CELF2: variants seen among roughly 807,000 people sequenced by gnomAD.
CELF2 encodes the protein CUGBP Elav-like family member 2.
A neutral mutation model predicts 62.6 loss-of-function variants in CELF2; 8 were observed. That is an observed-to-expected ratio of 0.13 (90% CI 0.07 to 0.23). The LOEUF is 0.23. Among genes scored for constraint, CELF2 ranks in the 10% least tolerant of loss-of-function variants. The probability of loss-of-function intolerance (pLI) is 1.00; values close to 1 mark genes in which losing one functional copy is unlikely to be tolerated. For missense variants in CELF2, 333 were observed against 671.0 expected, an observed-to-expected ratio of 0.50 and a Z score of 5.56; for synonymous variants, 258 against 250.0, an observed-to-expected ratio of 1.03 and a Z score of -0.30.
At chr10:11,034,419 T>C (rs2060628717) in intron 1 of CELF2, among the ~76,000 whole-genome samples, 1 of 152,208 alleles carries the variant, frequency 6.6e-6, no homozygotes, top group Non-Finnish European at 1.5e-5. Flanking sequence ...CATGTGTTCC[T>C]TATTACTAAG....
chr10:10,633,758 C>T, the CELF2 span, among the ~76,000 whole-genome samples: 3 of 151,982 alleles, frequency 2.0e-5, no homozygotes, highest in African/African-American at 7.2e-5. Flanking sequence ...TTTGACCCTT[C>T]TACCGTTTAT....
chr10:10,826,270 A>C (rs1157920949), intron 1 of CELF2, among the ~76,000 whole-genome samples: 2 of 152,104 alleles, frequency 1.3e-5, no homozygotes, highest in Non-Finnish European at 2.9e-5. Context: ...GAAATCAAGG[A>C]TCATGGAGGC....
chr10:10,990,612 C>T lies in CELF2; in HGVS notation c.89+70613C>T, dbSNP rs2053319708. ...TAGTAGTATAATAGTATAATATACG[C>T]TCAGTGGCAATTCAGTGTATTTCAT... On this transcript the variant is annotated intron_variant, in intron 2 of 13. Transcript: ENST00000636488. The surrounding 1 kb of genome is among the most constrained non-coding windows in gnomAD (Gnocchi z 4.6). Among the ~76,000 whole-genome samples the T allele has an allele frequency of 1.3e-5, 2 of 152,062 alleles. No homozygotes were observed. Among genetic ancestry groups the T allele is most frequent in the Non-Finnish European group, 2.9e-5 (2 of 67,992 alleles).
upstream of CELF2, among the ~76,000 whole-genome samples, chr10:11,016,335 T>C (rs1432512226): frequency 1.3e-5 from 2 of 152,134 alleles, no homozygotes; most frequent in African/African-American, 4.8e-5. This position sits in a 1 kb window ranked among gnomAD's most constrained non-coding sequence, Gnocchi z 5.2. Flanking sequence ...GTTCCTCCAG[T>C]AAGGTAGTAT....
At chr10:11,059,063 G>A (rs567784325) in intron 1 of CELF2, among the ~76,000 whole-genome samples, 3 of 152,326 alleles carry the variant, frequency 2.0e-5, no homozygotes, top group South Asian at 2.1e-4. Flanking sequence ...GGTTGCAGCC[G>A]TGAGCCATTG....
At chr10:11,016,537 T>C (rs771432559), upstream of CELF2, among the ~76,000 whole-genome samples, 23 of 152,234 alleles carry the variant, frequency 1.5e-4, no homozygotes, top group Non-Finnish European at 3.1e-4. The surrounding 1 kb of genome is among the most constrained non-coding windows in gnomAD (Gnocchi z 5.2). Context: ...TATGTAAGTG[T>C]CCATTTGCCT....
chr10:11,014,393 G>A (rs2056933425), upstream of CELF2, among the ~76,000 whole-genome samples: 1 of 152,216 alleles, frequency 6.6e-6, no homozygotes, highest in African/African-American at 2.4e-5. Flanking sequence ...AAGGTTGTCT[G>A]CACGAGCAGA....
chr10:10,771,873 A>G, the CELF2 span, among the ~76,000 whole-genome samples: 1 of 152,232 alleles, frequency 6.6e-6, no homozygotes, highest in Non-Finnish European at 1.5e-5. Flanking sequence ...TATCCTTTCC[A>G]GCTATCAGAG....
At chr10:10,587,578 TTAAC>T in the CELF2 span, among the ~76,000 whole-genome samples, 1 of 152,204 alleles carries the variant, frequency 6.6e-6, no homozygotes, top group Non-Finnish European at 1.5e-5. Context: ...ATAAACATCT[TTAAC>T]ATAACAATAA....
At chr10:11,063,728 T>C (rs1217306674) in intron 1 of CELF2, among the ~76,000 whole-genome samples, 1 of 152,172 alleles carries the variant, frequency 6.6e-6, no homozygotes, top group Non-Finnish European at 1.5e-5. Context: ...AATGTTTGGG[T>C]TTAAGAACTC....
chr10:10,565,247 C>T, the CELF2 span, among the ~76,000 whole-genome samples: 1 of 152,302 alleles, frequency 6.6e-6, no homozygotes, highest in South Asian at 2.1e-4. Flanking sequence ...CCCTTGCAGC[C>T]TTTTCTCCTT....
chr10:10,726,388 A>G, the CELF2 span, among the ~76,000 whole-genome samples: 1 of 152,122 alleles, frequency 6.6e-6, no homozygotes, highest in East Asian at 1.9e-4. Context: ...TTCTGCTGAC[A>G]TGTTTTGTCT....
chr10:10,516,909 T>G, the CELF2 span, among the ~76,000 whole-genome samples: 2 of 152,090 alleles, frequency 1.3e-5, no homozygotes, highest in Admixed American at 1.3e-4. Flanking sequence ...CAAACCAGCC[T>G]GGCCTTAGAG....
Position 11,285,816 on chromosome 10 carries a change from T to A in CELF2, c.842-2602T>A, listed in dbSNP as rs2091029794. Among the ~76,000 whole-genome samples, 1 of 149,566 alleles carries A rather than the reference T, an allele frequency of 6.7e-6. No individual in the cohort carries two copies. The highest frequency in any genetic ancestry group is 1.5e-5 in the Non-Finnish European group (1 of 67,584). On this transcript the variant is annotated intron_variant, in intron 8 of 12. Coordinates refer to ENST00000633077, the MANE Select transcript of CELF2 (RefSeq NM_001326342.2). This position sits in a 1 kb window ranked among gnomAD's most constrained non-coding sequence, Gnocchi z 4.3. ...TTACATAGATTTGCTCATCACCTAC[T>A]ATATATATTGGTGTGTGTGTGTGTG...
the CELF2 span, among the ~76,000 whole-genome samples, chr10:10,578,112 G>T: frequency 6.6e-6 from 1 of 152,202 alleles, no homozygotes; most frequent in Admixed American, 6.5e-5. Context: ...GATGGCCAGT[G>T]ATGATGAGCA....
the CELF2 span, among the ~76,000 whole-genome samples, chr10:10,478,236 A>G: frequency 1.3e-4 from 20 of 152,192 alleles, no homozygotes; most frequent in African/African-American, 4.6e-4. Flanking sequence ...TTAGTTCTCA[A>G]TTACATTAAG....
intron 9 of CELF2, among the ~76,000 whole-genome samples, chr10:11,293,676 C>T (rs1227656513): frequency 1.3e-5 from 2 of 152,218 alleles, no homozygotes; most frequent in African/African-American, 2.4e-5. Flanking sequence ...TGTGGGCACT[C>T]ACTTTGTGTC....
chr10:10,592,105 A>C, the CELF2 span, among the ~76,000 whole-genome samples: 3 of 152,234 alleles, frequency 2.0e-5, no homozygotes, highest in African/African-American at 7.2e-5. Context: ...TAAAACCGGT[A>C]ATTATAACTA....
At position 11,165,588 on chromosome 10, in the gene CELF2, G is replaced by A. The variant is rs1349936931; in HGVS notation, c.177G>A (p.Ser59=). Residue 59 remains serine, a synonymous_variant, in exon 2 of 13, where the codon TCG becomes TCA. Coordinates refer to ENST00000633077, the MANE Select transcript of CELF2 (RefSeq NM_001326342.2). The surrounding 1 kb of genome is among the most constrained non-coding windows in gnomAD (Gnocchi z 7.4). ...MFVGQIPRSW[S]EKELKELFEP... ...TCGGACAGATCCCCCGGTCATGGTC[G>A]GAAAAGGAGCTGAAAGAACTTTTTG... is the stretch of plus-strand genomic sequence containing the variant. 3.7e-6 allele frequency: 6 copies of A among 1,614,078 alleles called. No homozygotes were observed. Among genetic ancestry groups the A allele is most frequent in the African/African-American group, 2.7e-5 (2 of 74,932 alleles).
Sources: gnomAD v4.1 joint callset for allele counts (sites outside exome capture counted in the v4.1 genomes callset) on GRCh38, gnomAD v4.1.1 for gene constraint, Gnocchi (gnomAD v3.1) non-coding constraint, MANE v1.5 for transcripts, NCBI Gene and HGNC (gene_info 2026-07-23, HGNC 2026-07-21) for gene names.